Variants in CNTLN observed in about 807,000 individuals in gnomAD.
The protein encoded by CNTLN is centlein.
A neutral mutation model predicts 180.0 loss-of-function variants in CNTLN; 212 were observed. The ratio of observed to expected loss-of-function variants is 1.18; its 90% CI spans 1.05 to 1.32. CNTLN has a LOEUF of 1.32. Ranked by LOEUF, CNTLN falls within the 40% of genes most tolerant of loss-of-function variation. The pLI is 0.00. For synonymous variants in CNTLN, 722 were observed against 563.1 expected, an observed-to-expected ratio of 1.28 and a Z score of -3.99; for missense variants, 2,095 against 1,610.9, an observed-to-expected ratio of 1.30 and a Z score of -5.14.
chr9:17,237,944 T>C (rs1415794367), intron 5 of CNTLN, among the ~76,000 whole-genome samples: 3 of 152,178 alleles, frequency 2.0e-5, no homozygotes, highest in African/African-American at 4.8e-5. Context: ...CAGTTTCTGC[T>C]TCTGTGCAGC....
At chr9:17,426,400 A>G (rs1037316846) in intron 18 of CNTLN, among the ~76,000 whole-genome samples, 14 of 152,164 alleles carry the variant, frequency 9.2e-5, no homozygotes, top group African/African-American at 3.4e-4. Flanking sequence ...TTAAAAGTGT[A>G]AAAAGTAGAC....
chr9:17,236,596 A>C lies in CNTLN; in HGVS notation c.849+8A>C. On this transcript the variant is annotated splice_region_variant and intron_variant, in intron 5 of 25. Transcript: ENST00000380647. ...ACTGATGCAAAAATAAAGGTATACA[A>C]TAGGAATGGAATCCATACTCCTCTT... 1 of 1,594,712 alleles carries C rather than the reference A, an allele frequency of 6.3e-7. No individual in the cohort carries two copies. Among genetic ancestry groups the C allele is most frequent in the Non-Finnish European group, 8.5e-7 (1 of 1,172,288 alleles).
At chr9:17,216,056 G>T (rs897030216) in intron 2 of CNTLN, among the ~76,000 whole-genome samples, 2 of 152,102 alleles carry the variant, frequency 1.3e-5, no homozygotes, top group African/African-American at 4.8e-5. Context: ...TGCACCCACT[G>T]TCCTGCACCC....
intron 5 of CNTLN, among the ~76,000 whole-genome samples, chr9:17,253,930 T>C (rs1339946730): frequency 6.6e-6 from 1 of 151,616 alleles, no homozygotes; most frequent in Non-Finnish European, 1.5e-5. Context: ...ATATGGTCTT[T>C]ATTATTTGGA....
chr9:17,483,327 CAG>C (rs1486931531), intron 23 of CNTLN, among the ~76,000 whole-genome samples: 1 of 10,418 alleles, frequency 9.6e-5, no homozygotes, highest in Non-Finnish European at 4.9e-3. Flanking sequence ...TGTGGAGAAA[CAG>C]ATACTTTTTA....
At chr9:17,374,589 A>G (rs1824597054) in intron 13 of CNTLN, among the ~76,000 whole-genome samples, 1 of 152,160 alleles carries the variant, frequency 6.6e-6, no homozygotes, top group Non-Finnish European at 1.5e-5. Context: ...GGCTGGGTGC[A>G]GTGGCTTATA....
chr9:17,445,291 T>C (rs111227989), intron 18 of CNTLN, among the ~76,000 whole-genome samples: 101 of 152,244 alleles, frequency 6.6e-4, no homozygotes, highest in African/African-American at 2.0e-3. Flanking sequence ...CTGGCTTTCA[T>C]CCAAGCACTT....
intron 16 of CNTLN, 42 bp downstream of exon 16, chr9:17,409,515 A>G (rs1202985908): frequency 7.2e-7 from 1 of 1,381,704 alleles, no homozygotes; most frequent in Non-Finnish European, 9.9e-7. Context: ...TATGTTTTAA[A>G]TTTTATCTTA....
At chr9:17,431,197 C>T (rs1161557196) in intron 18 of CNTLN, among the ~76,000 whole-genome samples, 1 of 152,114 alleles carries the variant, frequency 6.6e-6, no homozygotes, top group African/African-American at 2.4e-5. Context: ...CTTTTCTCTA[C>T]GTCCTCACTA....
intron 18 of CNTLN, among the ~76,000 whole-genome samples, chr9:17,455,803 G>C (rs34828821): frequency 2.9e-5 from 1 of 34,884 alleles, no homozygotes; most frequent in Non-Finnish European, 8.3e-5. Flanking sequence ...GGTTTGGGGA[G>C]TGGCAGGCAG....
rs1587584053 is a variant in CNTLN at position 17,302,827 on chromosome 9, C to CAGTTA, written c.1146+4476_1146+4480dup. 3.3e-5 allele frequency among the ~76,000 whole-genome samples: 5 copies of CAGTTA among 152,190 alleles called. 1 individual carries two copies. Among genetic ancestry groups the CAGTTA allele is most frequent in the Admixed American group, 6.5e-5 (1 of 15,278 alleles). On this transcript the variant is annotated intron_variant, in intron 7 of 25. Coordinates refer to ENST00000380647, the MANE Select transcript of CNTLN (RefSeq NM_017738.4). ...ACAAAATACAAGTGAGAAGTCCTTC[C>CAGTTA]AGTTAGATCACAGTTATAAAGACAG...
intron 8 of CNTLN, among the ~76,000 whole-genome samples, chr9:17,321,594 G>A (rs1451341967): frequency 6.6e-6 from 1 of 152,184 alleles, no homozygotes; most frequent in Non-Finnish European, 1.5e-5. Flanking sequence ...AAAAATGTCA[G>A]TAGTAGTTAG....
At chr9:17,523,750 T>A in the CNTLN span, among the ~76,000 whole-genome samples, 1 of 152,218 alleles carries the variant, frequency 6.6e-6, no homozygotes, top group African/African-American at 2.4e-5. Flanking sequence ...ACTTTTACAC[T>A]AATATCTCAG....
intron 6 of CNTLN, among the ~76,000 whole-genome samples, chr9:17,291,899 G>C (rs1829436969): frequency 6.6e-6 from 1 of 152,144 alleles, no homozygotes; most frequent in Admixed American, 6.6e-5. Context: ...AGTTTCATTG[G>C]TCTTTGTACT....
intron 8 of CNTLN, among the ~76,000 whole-genome samples, chr9:17,310,087 A>G (rs1023911148): frequency 3.3e-5 from 5 of 152,146 alleles, no homozygotes; most frequent in African/African-American, 9.6e-5. Flanking sequence ...TATTGTATGC[A>G]TATGACAATT....
chr9:17,419,497 A>T (rs777726687), intron 18 of CNTLN, among the ~76,000 whole-genome samples: 3 of 152,292 alleles, frequency 2.0e-5, no homozygotes, highest in East Asian at 1.9e-4. Flanking sequence ...TACACATGCA[A>T]TGTTTAATTT....
chr9:17,311,048 G>A (rs1186942251), intron 8 of CNTLN, among the ~76,000 whole-genome samples: 1 of 151,482 alleles, frequency 6.6e-6, no homozygotes, highest in African/African-American at 2.4e-5. Flanking sequence ...TTTTGAGACA[G>A]AGTTTTGCTT....
At chr9:17,302,009 G>A in intron 7 of CNTLN, 3 of 982,988 alleles carry the variant, frequency 3.1e-6, no homozygotes, top group Non-Finnish European at 3.6e-6. Context: ...TTTTACTATT[G>A]TAAATAAAGC....
intron 25 of CNTLN, among the ~76,000 whole-genome samples, chr9:17,489,135 C>CT (rs937208895): frequency 2.4e-4 from 35 of 147,602 alleles, no homozygotes; most frequent in South Asian, 1.1e-3. Flanking sequence ...TAGAAAACAC[C>CT]TTTTTTTTTT....
Sources: gnomAD v4.1 joint callset for allele counts (sites outside exome capture counted in the v4.1 genomes callset) on GRCh38, gnomAD v4.1.1 for gene constraint, MANE v1.5 for transcripts, NCBI Gene and HGNC (gene_info 2026-07-23, HGNC 2026-07-21) for gene names.